Variants in TMEM236 observed in about 807,000 individuals in gnomAD.
TMEM236 encodes the protein transmembrane protein 236.
A neutral mutation model predicts 14.7 loss-of-function variants in TMEM236; 11 were observed. That is an observed-to-expected ratio of 0.75 (90% CI 0.47 to 1.24). The LOEUF is 1.24. Ranked by LOEUF, TMEM236 falls within the 50% of genes most tolerant of loss-of-function variation. TMEM236 has a pLI of 0.00. For synonymous variants in TMEM236, 182 were observed against 168.6 expected, an observed-to-expected ratio of 1.08 and a Z score of -0.62; for missense variants, 464 against 427.3, an observed-to-expected ratio of 1.09 and a Z score of -0.76.
Position 17,796,487 on chromosome 10 carries a change from G to A in TMEM236, c.1039G>A (p.Glu347Lys). 2 of 1,612,044 alleles carry A rather than the reference G, an allele frequency of 1.2e-6. No homozygotes were observed. Among genetic ancestry groups the A allele is most frequent in the Admixed American group, 3.3e-5 (2 of 59,930 alleles). Residue 347 changes from glutamate (E) to lysine (K), a missense_variant, in exon 4 of 4, where the codon GAA (glutamate) becomes AAA (lysine). By Grantham distance (56) the Glu-to-Lys change is moderately conservative. Coordinates refer to ENST00000377495, the MANE Select transcript of TMEM236 (RefSeq NM_001098844.3). Reference sequence around the variant, plus strand: ...CAGAATCAGGATTTTTTCTGCCTTTGAAATGTCTCCATTTTAAAAAGGAAA... The same window carrying A: ...CAGAATCAGGATTTTTTCTGCCTTTAAAATGTCTCCATTTTAAAAAGGAAA... Reference protein sequence around the residue: ...LTRIRIFSAFEMSPF With the variant: ...LTRIRIFSAFKMSPF
chr10:17,778,579 CAA>C (rs1291105469), intron 3 of TMEM236, among the ~76,000 whole-genome samples: 3 of 151,992 alleles, frequency 2.0e-5, no homozygotes, highest in Admixed American at 2.0e-4. Flanking sequence ...GGGGGATGAA[CAA>C]GATCTAGAAT....
chr10:17,798,526 G>T lies in TMEM236; in HGVS notation c.*2022G>T. ...TGCACTCCAGACTGGGCAACAGAGT[G>T]ACACCCATCTAAAAAAAATAAAAGA... On this transcript the variant is annotated 3_prime_UTR_variant, in exon 4 of 4. Transcript: ENST00000377495. The T allele has an allele frequency of 1.9e-6, 1 of 533,474 alleles. No individual in the cohort carries two copies. Among genetic ancestry groups the T allele is most frequent in the South Asian group, 1.4e-5 (1 of 71,412 alleles). The allele number at this position is 533,474 out of a possible 1,614,324, so 33.0% of individuals were successfully genotyped here. A position where few individuals can be genotyped will look rare whatever the true frequency, so the allele number is the denominator to read the frequency against.
intron 3 of TMEM236, among the ~76,000 whole-genome samples, chr10:17,791,297 A>C (rs1291716247): frequency 6.6e-6 from 1 of 151,596 alleles, no homozygotes; most frequent in Non-Finnish European, 1.5e-5. Flanking sequence ...AAAGTAAAAA[A>C]AAAAAAAAAA....
chr10:17,796,521 A>C lies in TMEM236; in HGVS notation c.*17A>C. The stretch of plus-strand genomic sequence containing the variant: ...CCATTTTAAAAAGGAAATGGGATCT[A>C]GTAAGGCCTCTTTGTGATACCTGTG... On this transcript the variant is annotated 3_prime_UTR_variant, in exon 4 of 4. Coordinates refer to ENST00000377495, the MANE Select transcript of TMEM236 (RefSeq NM_001098844.3). 1.3e-6 allele frequency: 2 copies of C among 1,583,172 alleles called. No homozygotes were observed. The highest frequency in any genetic ancestry group is 1.7e-6 in the Non-Finnish European group (2 of 1,152,090).
chr10:17,795,713 G>A (rs564809844), intron 3 of TMEM236, among the ~76,000 whole-genome samples: 7 of 152,224 alleles, frequency 4.6e-5, no homozygotes, highest in African/African-American at 1.2e-4. Flanking sequence ...GGTGCAGCAC[G>A]CCACCATGGC....
chr10:17,768,089 T>TTTTTTTG (rs1837501454), intron 1 of TMEM236, among the ~76,000 whole-genome samples: 1 of 123,896 alleles, frequency 8.1e-6, no homozygotes, highest in Non-Finnish European at 1.7e-5. Context: ...TTTTGTGGTT[T>TTTTTTTG]TTTTTTTTTT....
intron 1 of TMEM236, among the ~76,000 whole-genome samples, chr10:17,764,065 A>G (rs1837420602): frequency 6.6e-6 from 1 of 152,176 alleles, no homozygotes; most frequent in African/African-American, 2.4e-5. Context: ...TGGAATGTTA[A>G]TACTAGATTT....
rs1338594101 is a variant in TMEM236, at chr10:17,796,410, T to G, written c.962T>G (p.Leu321Arg). Residue 321 changes from leucine to arginine, a missense_variant, in exon 4 of 4, where the codon CTG becomes CGG. Transcript: ENST00000377495. Reference sequence around the variant, plus strand: ...GGGACTATCACACCCGTACTGGGCCTGTGTAAAAATATCCTCGTGACTCTC... The same window carrying G: ...GGGACTATCACACCCGTACTGGGCCGGTGTAAAAATATCCTCGTGACTCTC... Reference protein sequence around the residue: ...ALGTITPVLGLCKNILVTLSY... With the variant: ...ALGTITPVLGRCKNILVTLSY... 14 of 1,613,754 alleles carry G rather than the reference T, an allele frequency of 8.7e-6. No homozygotes were observed. The highest frequency in any genetic ancestry group is 1.6e-4 in the Middle Eastern group (1 of 6,078).
intron 2 of TMEM236, 30 bp downstream of exon 2, chr10:17,771,411 A>G: frequency 6.3e-7 from 1 of 1,592,534 alleles, no homozygotes; most frequent in Non-Finnish European, 8.6e-7. Flanking sequence ...TTCTGCTACA[A>G]GATTATGAGA....
chr10:17,759,033 G>A (rs1039334285), intron 1 of TMEM236, among the ~76,000 whole-genome samples: 1 of 152,140 alleles, frequency 6.6e-6, no homozygotes, highest in Non-Finnish European at 1.5e-5. Context: ...AAAATGTACT[G>A]GAGGCTGAAC....
chr10:17,777,580 G>A (rs1234690536), intron 3 of TMEM236, among the ~76,000 whole-genome samples: 5 of 151,536 alleles, frequency 3.3e-5, no homozygotes, highest in African/African-American at 9.7e-5. Context: ...AGCTGTGCAC[G>A]GCTGCACCCA....
In TMEM236 at chr10:17,796,783, C is replaced by A; in HGVS notation, c.*279C>A. The A allele has an allele frequency of 7.1e-6, 3 of 423,266 alleles. No homozygotes were observed. The highest frequency in any genetic ancestry group is 1.3e-5 in the Non-Finnish European group (3 of 231,242). 26.2% of individuals were successfully genotyped at this position (423,266 alleles called of 1,614,324 possible). ...TAGTTATGTATACTGAGGTCCCCAACCCCTGGACCATGGTCCCAGTACTGG... is the reference window on the plus strand; with the variant it reads ...TAGTTATGTATACTGAGGTCCCCAAACCCTGGACCATGGTCCCAGTACTGG... On this transcript the variant is annotated 3_prime_UTR_variant, in exon 4 of 4. Coordinates refer to ENST00000377495, the MANE Select transcript of TMEM236 (RefSeq NM_001098844.3).
intron 1 of TMEM236, among the ~76,000 whole-genome samples, chr10:17,761,074 C>G (rs3847370): frequency 0.57 from 86,457 of 151,896 alleles, 24,920 homozygotes; most frequent in South Asian, 0.65. Context: ...AGGAAGTCAC[C>G]ACATTCTGGT....
In TMEM236 at chr10:17,798,138, G is replaced by A. The variant is rs1838045902; in HGVS notation, c.*1634G>A. On this transcript the variant is annotated 3_prime_UTR_variant, in exon 4 of 4. Coordinates refer to ENST00000377495, the MANE Select transcript of TMEM236 (RefSeq NM_001098844.3). The stretch of plus-strand genomic sequence containing the variant: ...ATTTTCAGATGCTAGAGAGATTTGT[G>A]AGAGGCTGATAATGCAAGAGTAATG... 5.2e-6 allele frequency: 1 copy of A among 193,078 alleles called. No individual in the cohort carries two copies. The highest frequency in any genetic ancestry group is 5.3e-5 in the Admixed American group (1 of 18,856). 12.0% of individuals were successfully genotyped at this position (193,078 alleles called of 1,614,324 possible).
chr10:17,752,805 G>C (rs1321783028), intron 1 of TMEM236, among the ~76,000 whole-genome samples: 2 of 152,234 alleles, frequency 1.3e-5, no homozygotes, highest in African/African-American at 4.8e-5. Context: ...GACCTCAAGT[G>C]ATCTGCCTGC....
intron 2 of TMEM236, among the ~76,000 whole-genome samples, chr10:17,773,479 A>G (rs1837607895): frequency 6.6e-6 from 1 of 152,134 alleles, no homozygotes; most frequent in East Asian, 1.9e-4. Context: ...CTGGGATTAC[A>G]GGTGCCCACC....
In TMEM236 at chr10:17,797,118, C is replaced by T. The variant is rs539490988; in HGVS notation, c.*614C>T. On this transcript the variant is annotated 3_prime_UTR_variant, in exon 4 of 4. Coordinates refer to ENST00000377495, the MANE Select transcript of TMEM236 (RefSeq NM_001098844.3). ...GGTTGGGGACCACTGATGTATACCACGCTTTTTCTAAGAATACTCTTCAAC... is the reference window on the plus strand; with the variant it reads ...GGTTGGGGACCACTGATGTATACCATGCTTTTTCTAAGAATACTCTTCAAC... The T allele has an allele frequency of 1.6e-4, 24 of 154,430 alleles. 2 individuals carry two copies. The highest frequency in any genetic ancestry group is 2.0e-4 in the Non-Finnish European group (14 of 69,416). 9.6% of individuals were successfully genotyped at this position (154,430 alleles called of 1,614,324 possible). A position where few individuals can be genotyped will look rare whatever the true frequency, so the allele number is the denominator to read the frequency against.
rs1229348706 is a variant in TMEM236, at chr10:17,798,009, T to A, written c.*1505T>A. 1 of 155,128 alleles carries A rather than the reference T, an allele frequency of 6.4e-6. No homozygotes were observed. The highest frequency in any genetic ancestry group is 6.3e-5 in the Admixed American group (1 of 15,950). 9.6% of individuals were successfully genotyped at this position (155,128 alleles called of 1,614,324 possible). A position where few individuals can be genotyped will look rare whatever the true frequency, so the allele number is the denominator to read the frequency against. ...TATCAGTGTCTTATGTGATACTATA[T>A]CATGGATATATTGATGTTATAAAAT... On this transcript the variant is annotated 3_prime_UTR_variant, in exon 4 of 4. Coordinates refer to ENST00000377495, the MANE Select transcript of TMEM236 (RefSeq NM_001098844.3).
At chr10:17,757,434 CA>C (rs66978478) in intron 1 of TMEM236, among the ~76,000 whole-genome samples, 7,049 of 151,690 alleles carry the variant, frequency 0.046, 214 homozygotes, top group Non-Finnish European at 0.07. Context: ...CCTGTCTCTA[CA>C]AAAAAATTAA....
Sources: gnomAD v4.1 joint callset for allele counts (sites outside exome capture counted in the v4.1 genomes callset) on GRCh38, gnomAD v4.1.1 for gene constraint, MANE v1.5 for transcripts, NCBI Gene and HGNC (gene_info 2026-07-23, HGNC 2026-07-21) for gene names.